Variants in LRFN5 observed in about 807,000 individuals in gnomAD.
LRFN5 encodes leucine rich repeat and fibronectin type III domain containing 5, also known as leucine-rich repeat and fibronectin type-III domain-containing protein 5.
In LRFN5, 24 loss-of-function variants were observed where a neutral mutation model predicts 45.6. That is an observed-to-expected ratio of 0.53 (90% confidence interval 0.38 to 0.74). LRFN5 has a LOEUF of 0.74. Among genes scored for constraint, LRFN5 ranks in the 30% least tolerant of loss-of-function variants. The probability of loss-of-function intolerance (pLI) is 0.00; values close to 1 mark genes in which losing one functional copy is unlikely to be tolerated. For synonymous variants in LRFN5, 340 were observed against 313.8 expected (o/e 1.08, Z -0.88); for missense variants, 776 against 861.5 (o/e 0.90, Z 1.24).
chr14:41,786,946 G>A (rs1433960822), intron 2 of LRFN5, among the ~76,000 whole-genome samples: 1 of 151,486 alleles, frequency 6.6e-6, no homozygotes, highest in African/African-American at 2.4e-5. Context: ...TTTTCATTTT[G>A]CATATTGCAT....
intron 1 of LRFN5, among the ~76,000 whole-genome samples, chr14:41,744,833 T>C (rs1426752911): frequency 1.3e-5 from 2 of 152,032 alleles, no homozygotes; most frequent in Non-Finnish European, 1.5e-5. Flanking sequence ...GCAAGAGTAA[T>C]AGAGAAAGAA....
At chr14:41,629,551 T>C (rs1350714626) in intron 1 of LRFN5, among the ~76,000 whole-genome samples, 1 of 152,240 alleles carries the variant, frequency 6.6e-6, no homozygotes, top group Non-Finnish European at 1.5e-5. Context: ...CCGATACAAA[T>C]ATTGTTCAAG....
intron 2 of LRFN5, among the ~76,000 whole-genome samples, chr14:41,872,509 C>G (rs1890052774): frequency 6.6e-6 from 1 of 152,052 alleles, no homozygotes; most frequent in Non-Finnish European, 1.5e-5. Flanking sequence ...GAGAGCAATC[C>G]AGGGCTGGAA....
chr14:41,716,880 T>G (rs952670073), intron 1 of LRFN5, among the ~76,000 whole-genome samples: 4 of 152,164 alleles, frequency 2.6e-5, no homozygotes, highest in African/African-American at 9.7e-5. Context: ...ACCATAGCAC[T>G]CTGGTTTTGT....
chr14:41,820,386 G>A (rs1311255966), intron 2 of LRFN5, among the ~76,000 whole-genome samples: 1 of 151,814 alleles, frequency 6.6e-6, no homozygotes, highest in Non-Finnish European at 1.5e-5. Context: ...TTTCCATGGT[G>A]TATTTGTATT....
At chr14:41,753,065 C>G (rs550916695) in intron 1 of LRFN5, among the ~76,000 whole-genome samples, 2 of 152,212 alleles carry the variant, frequency 1.3e-5, no homozygotes, top group South Asian at 4.1e-4. Context: ...TGTCAAAGAT[C>G]AGATAGTTGT....
intron 1 of LRFN5, among the ~76,000 whole-genome samples, chr14:41,694,695 T>C (rs1252320247): frequency 6.6e-6 from 1 of 151,974 alleles, no homozygotes; most frequent in Non-Finnish European, 1.5e-5. Context: ...TGTGTTCACT[T>C]CATGTCTCTG....
At chr14:41,699,064 A>C (rs2138720999) in intron 1 of LRFN5, among the ~76,000 whole-genome samples, 1 of 152,216 alleles carries the variant, frequency 6.6e-6, no homozygotes, top group African/African-American at 2.4e-5. Context: ...CAAAACAGGC[A>C]AAGTACATGA....
At chr14:41,711,348 A>G (rs964538438) in intron 1 of LRFN5, among the ~76,000 whole-genome samples, 4 of 152,190 alleles carry the variant, frequency 2.6e-5, no homozygotes, top group African/African-American at 9.7e-5. Flanking sequence ...TGATGGGTAC[A>G]TGGTGCAGAG....
intron 2 of LRFN5, among the ~76,000 whole-genome samples, chr14:41,799,223 C>A (rs1057199363): frequency 1.3e-5 from 2 of 151,926 alleles, no homozygotes; most frequent in Non-Finnish European, 2.9e-5. Context: ...AATATGAAGA[C>A]CTTTTCTGTA....
chr14:41,673,919 G>T (rs1485385279), intron 1 of LRFN5, among the ~76,000 whole-genome samples: 1 of 147,278 alleles, frequency 6.8e-6, no homozygotes, highest in Non-Finnish European at 1.5e-5. Flanking sequence ...CCTCCCTCCC[G>T]GATGGGGCGG....
chr14:41,854,257 G>A (rs1261363737), intron 2 of LRFN5, among the ~76,000 whole-genome samples: 1 of 151,982 alleles, frequency 6.6e-6, no homozygotes, highest in Non-Finnish European at 1.5e-5. Flanking sequence ...TCAGAATTAT[G>A]GTTTCCAGCT....
intron 1 of LRFN5, among the ~76,000 whole-genome samples, chr14:41,761,171 C>T (rs1040032084): frequency 6.6e-6 from 1 of 151,668 alleles, no homozygotes; most frequent in Non-Finnish European, 1.5e-5. Context: ...CACAGTGACA[C>T]CCTGATGTAG....
At chr14:41,863,374 C>T (rs1889734885) in intron 2 of LRFN5, among the ~76,000 whole-genome samples, 1 of 152,156 alleles carries the variant, frequency 6.6e-6, no homozygotes, top group Non-Finnish European at 1.5e-5. Flanking sequence ...CATTGCCTTT[C>T]AACCTTCCTT....
intron 1 of LRFN5, among the ~76,000 whole-genome samples, chr14:41,685,975 T>C (rs1055806751): frequency 6.6e-6 from 1 of 152,198 alleles, no homozygotes; most frequent in Non-Finnish European, 1.5e-5. Flanking sequence ...ATACGAAATT[T>C]AAAATAGTTT....
intron 2 of LRFN5, among the ~76,000 whole-genome samples, chr14:41,829,744 TAA>T (rs978170793): frequency 6.6e-6 from 1 of 151,878 alleles, no homozygotes; most frequent in African/African-American, 2.4e-5. Flanking sequence ...TTTTTTTTGC[TAA>T]GTCAATATTT....
intron 2 of LRFN5, among the ~76,000 whole-genome samples, chr14:41,826,414 GA>G (rs1216857582): frequency 2.6e-5 from 4 of 151,896 alleles, no homozygotes; most frequent in African/African-American, 9.7e-5. Flanking sequence ...CTTTTAATTT[GA>G]AATGATCTTC....
intron 2 of LRFN5, among the ~76,000 whole-genome samples, chr14:41,767,491 T>C (rs567209135): frequency 2.0e-5 from 3 of 152,148 alleles, no homozygotes; most frequent in Non-Finnish European, 4.4e-5. Context: ...TCCAGTGCTA[T>C]ATAGAGGGTA....
chr14:41,798,758 T>C (rs973084243), intron 2 of LRFN5, among the ~76,000 whole-genome samples: 29 of 152,108 alleles, frequency 1.9e-4, no homozygotes, highest in African/African-American at 6.5e-4. Flanking sequence ...ACTTATGCCT[T>C]TTATCATGTT....
Sources: allele counts gnomAD v4.1 joint callset (sites outside exome capture counted in the v4.1 genomes callset), GRCh38; gene constraint gnomAD v4.1.1; transcripts MANE v1.5; gene names NCBI Gene and HGNC (gene_info 2026-07-23, HGNC 2026-07-21).